SUGP1: variants seen among roughly 807,000 people sequenced by gnomAD.
SUGP1 encodes SURP and G-patch domain-containing protein 1.
Under a neutral mutation model 76.5 loss-of-function variants are expected in SUGP1, and 34 were observed. The observed-to-expected ratio is 0.44, with a 90% CI of 0.34 to 0.59. SUGP1 has a LOEUF of 0.59. Ranked by LOEUF, SUGP1 falls within the 20% of genes least tolerant of loss-of-function variation. The probability of loss-of-function intolerance (pLI) is 0.01; values close to 1 mark genes in which losing one functional copy is unlikely to be tolerated. For missense variants in SUGP1, 752 were observed against 851.7 expected (o/e 0.88, Z 1.46); for synonymous variants, 326 against 326.2 (o/e 1.00, Z 0.01).
chr19:19,306,520 C>T (rs902392406), intron 3 of SUGP1, among the ~76,000 whole-genome samples: 2 of 152,260 alleles, frequency 1.3e-5, no homozygotes, highest in Admixed American at 6.5e-5. Flanking sequence ...TCAAACCAGC[C>T]TTCCTCATTC....
chr19:19,309,843 C>T (rs527626662), intron 3 of SUGP1, among the ~76,000 whole-genome samples: 12 of 152,272 alleles, frequency 7.9e-5, no homozygotes, highest in Non-Finnish European at 1.2e-4. Context: ...ACCCGGGAGG[C>T]GGAGCTTGCA....
chr19:19,292,212 G>A (rs1168344867), intron 8 of SUGP1, among the ~76,000 whole-genome samples: 2 of 149,672 alleles, frequency 1.3e-5, no homozygotes, highest in Non-Finnish European at 3.0e-5. Flanking sequence ...GGTGGAGGTT[G>A]CAGGGAGCCG....
rs111849423 is a variant in SUGP1, at chr19:19,297,017, G to A, written c.1215C>T (p.Asp405=). 79 of 1,589,412 alleles carry A rather than the reference G, an allele frequency of 5.0e-5. No homozygotes were observed. In the East Asian group the frequency reaches 9.3e-4, roughly 19 times the overall value. ...ACAGAGGCGAGGGAGAGGCATCCAC[G>A]TCCCTCTGCACCAGTTCAGCAGGTG... is the stretch of plus-strand genomic sequence containing the variant. ...ELPPAELVQR[D]VDASPSPLSV... Residue 405 remains aspartate, a synonymous_variant, in exon 8 of 14, where the codon GAC becomes GAT. Coordinates refer to ENST00000247001, the MANE Select transcript of SUGP1 (RefSeq NM_172231.4).
chr19:19,296,578 C>CAA (rs1234277799), intron 8 of SUGP1, among the ~76,000 whole-genome samples: 1 of 150,662 alleles, frequency 6.6e-6, no homozygotes, highest in East Asian at 1.9e-4. Flanking sequence ...ACCCAGGAGG[C>CAA]AGAGCTTATG....
chr19:19,312,979 G>T (rs2061363197), intron 2 of SUGP1, among the ~76,000 whole-genome samples: 1 of 148,990 alleles, frequency 6.7e-6, no homozygotes, highest in Non-Finnish European at 1.5e-5. Context: ...AACAGCGCAA[G>T]ACTCCATCTC....
In SUGP1 at chr19:19,277,839, T is replaced by C. The variant is rs145841833; in HGVS notation, c.1676A>G (p.Lys559Arg). ...EPDYSEYKEF[K>R]LTVENIGYQM... ...GTAGCCGATGTTCTCCACAGTCAGCTTGAACTCCTTGTACTCTGAGTAGTC... is the reference window on the plus strand; with the variant it reads ...GTAGCCGATGTTCTCCACAGTCAGCCTGAACTCCTTGTACTCTGAGTAGTC... The change falls in exon 12 of 14, where the codon AAG becomes AGG. Residue 559 changes from lysine (K) to arginine (R), a missense_variant. Transcript: ENST00000247001. The C allele has an allele frequency of 2.5e-6, 4 of 1,614,076 alleles. No homozygotes were observed. The East Asian group carries it at 6.7e-5, about 27-fold the overall frequency.
intron 9 of SUGP1, 31 bp from the exon 10 acceptor site, chr19:19,279,421 C>T: frequency 1.3e-6 from 2 of 1,567,976 alleles, no homozygotes; most frequent in Non-Finnish European, 1.7e-6. Context: ...TGAGCCAGGG[C>T]ACGGTGCTGT....
At chr19:19,303,009 A>G (rs749275882) in intron 6 of SUGP1, among the ~76,000 whole-genome samples, 33 of 152,118 alleles carry the variant, frequency 2.2e-4, no homozygotes, top group Non-Finnish European at 3.7e-4. Context: ...GGGGCTCATC[A>G]ACACTTGTTA....
At chr19:19,280,110 G>T in intron 9 of SUGP1, 75 bp downstream of exon 9, 1 of 1,396,498 alleles carries the variant, frequency 7.2e-7, no homozygotes, top group Non-Finnish European at 1.0e-6. Flanking sequence ...CCCTGTGACC[G>T]CTGCACCCGG....
intron 1 of SUGP1, among the ~76,000 whole-genome samples, chr19:19,317,808 CTTTTT>C (rs781257871): frequency 1.8e-5 from 2 of 110,596 alleles, no homozygotes; most frequent in South Asian, 7.0e-4. Context: ...GCCCCAGTGG[CTTTTT>C]TTTTTTTTTT....
chr19:19,305,263 C>T (rs1357646627), intron 4 of SUGP1, among the ~76,000 whole-genome samples: 1 of 152,222 alleles, frequency 6.6e-6, no homozygotes, highest in African/African-American at 2.4e-5. Flanking sequence ...CACAGGGACT[C>T]GTCCTGAATG....
intron 3 of SUGP1, among the ~76,000 whole-genome samples, chr19:19,306,463 G>A (rs1377766424): frequency 6.6e-6 from 1 of 152,244 alleles, no homozygotes; most frequent in Non-Finnish European, 1.5e-5. Flanking sequence ...CTGGCCAGGG[G>A]CCAGCCTACT....
Position 19,278,826 on chromosome 19 carries a change from G to C in SUGP1, c.1529-30C>G, listed in dbSNP as rs755341548. 3.1e-6 allele frequency: 5 copies of C among 1,596,736 alleles called. No homozygotes were observed. The East Asian group carries it at 9.2e-5, about 29-fold the overall frequency. On this transcript the variant is annotated intron_variant, in intron 10 of 13. Coordinates refer to ENST00000247001, the MANE Select transcript of SUGP1 (RefSeq NM_172231.4). ...TCAGAGAAGCAGAAAGGTGAGAAGA[G>C]GGAGAAGCAGGAAGGAGGGGAGCAG...
At chr19:19,278,564 G>A (rs1056200475) in intron 11 of SUGP1, 126 bp downstream of exon 11, 25 of 777,254 alleles carry the variant, frequency 3.2e-5, no homozygotes, top group East Asian at 1.1e-4. Context: ...CTCCTGCAGC[G>A]AAAAGGCCTG....
intron 3 of SUGP1, among the ~76,000 whole-genome samples, chr19:19,307,211 C>T (rs2061323950): frequency 1.3e-5 from 2 of 152,040 alleles, no homozygotes; most frequent in South Asian, 4.2e-4. Flanking sequence ...GACACCATGT[C>T]TGGCTAATTT....
chr19:19,280,851 C>G (rs144713051), intron 8 of SUGP1: 123 of 152,690 alleles, frequency 8.1e-4, no homozygotes, highest in African/African-American at 2.9e-3. Flanking sequence ...ACTTGGCAGG[C>G]TCCAGTAACA....
chr19:19,286,959 AAACAAC>A (rs371554669), intron 8 of SUGP1, among the ~76,000 whole-genome samples: 2,744 of 151,560 alleles, frequency 0.018, 31 homozygotes, highest in Middle Eastern at 0.034. Context: ...AAAAAAAGCA[AAACAAC>A]AACAACAACA....
At chr19:19,310,392 G>A (rs1221052111) in intron 2 of SUGP1, among the ~76,000 whole-genome samples, 192 bp from the exon 3 acceptor site, 1 of 152,186 alleles carries the variant, frequency 6.6e-6, no homozygotes, top group Non-Finnish European at 1.5e-5. Context: ...CGCACAGCAG[G>A]CTTCAGTACG....
chr19:19,281,499 A>G (rs1179354629), intron 8 of SUGP1: 2 of 152,176 alleles, frequency 1.3e-5, no homozygotes, highest in Admixed American at 6.5e-5. Flanking sequence ...AGAATCTCTG[A>G]GGCCCTTGGG....
Sources: allele counts gnomAD v4.1 joint callset (sites outside exome capture counted in the v4.1 genomes callset), GRCh38; gene constraint gnomAD v4.1.1; transcripts MANE v1.5; gene names NCBI Gene and HGNC (gene_info 2026-07-23, HGNC 2026-07-21).